The following NEK7 variants were observed in gnomAD, a reference collection of about 807,000 sequenced individuals.
NEK7 encodes serine/threonine-protein kinase Nek7.
A neutral mutation model predicts 44.6 loss-of-function variants in NEK7; 18 were observed. The ratio of observed to expected loss-of-function variants is 0.40; its 90% CI spans 0.28 to 0.60. The LOEUF (loss-of-function observed/expected upper bound fraction) is 0.60, where lower values mean the gene tolerates loss of function less well. Among genes scored for constraint, NEK7 ranks in the 20% least tolerant of loss-of-function variants. The pLI, the probability that NEK7 is intolerant of heterozygous loss-of-function variation, is 0.38. For missense variants in NEK7, 256 were observed against 366.5 expected (o/e 0.70, Z 2.46); for synonymous variants, 130 against 121.1 (o/e 1.07, Z -0.48).
chr1:198,247,669 T>G (rs1296941885), intron 2 of NEK7, among the ~76,000 whole-genome samples: 1 of 152,192 alleles, frequency 6.6e-6, no homozygotes, highest in Non-Finnish European at 1.5e-5. Flanking sequence ...GACAGTATTT[T>G]GGACTTCTAG....
At chr1:198,295,674 C>T (rs909951935) in intron 8 of NEK7, among the ~76,000 whole-genome samples, 12 of 150,578 alleles carry the variant, frequency 8.0e-5, no homozygotes, top group East Asian at 7.8e-4. Context: ...CTATAATGAA[C>T]GCCTAGAATA....
chr1:198,228,025 C>G (rs539748882), intron 1 of NEK7, among the ~76,000 whole-genome samples: 4 of 152,060 alleles, frequency 2.6e-5, no homozygotes, highest in Admixed American at 1.3e-4. Context: ...GTCTTTAATC[C>G]ATCTTGAATT....
chr1:198,278,140 AAG>A lies in NEK7; in HGVS notation c.481+72_481+73del, dbSNP rs1654074762. 11 of 807,718 alleles carry A rather than the reference AAG, an allele frequency of 1.4e-5. 1 individual carries two copies. In the South Asian group the frequency reaches 1.6e-4, roughly 12 times the overall value. The allele number at this position is 807,718 out of a possible 1,614,324, so 50.0% of individuals were successfully genotyped here. A position where few individuals can be genotyped will look rare whatever the true frequency, so the allele number is the denominator to read the frequency against. ...TAAGTTCTTCAAAGTAAATGTCTTCAAGTCAGTACATAATACCATACTTTTTC... is the reference window on the plus strand; with the variant it reads ...TAAGTTCTTCAAAGTAAATGTCTTCATCAGTACATAATACCATACTTTTTC... On this transcript the variant is annotated intron_variant, in intron 6 of 9. Transcript: ENST00000367385.
At position 198,262,575 on chromosome 1, in the gene NEK7, A is replaced by G; in HGVS notation, c.199A>G (p.Ile67Val). The G allele has an allele frequency of 6.3e-7, 1 of 1,579,738 alleles. No homozygotes were observed. The highest frequency in any genetic ancestry group is 8.7e-7 in the Non-Finnish European group (1 of 1,155,144). Residue 67 changes from isoleucine (I) to valine (V), a missense_variant and splice_region_variant, in exon 4 of 10, where the codon ATA (isoleucine) becomes GTA (valine). Transcript: ENST00000367385. Reference sequence around the variant, plus strand: ...AAGTAATTCTGGGTTCTGTTTTTAGATATTTGATTTAATGGATGCCAAAGC... The same window carrying G: ...AAGTAATTCTGGGTTCTGTTTTTAGGTATTTGATTTAATGGATGCCAAAGC... Reference protein sequence around the residue: ...GVPVALKKVQIFDLMDAKARA... With the variant: ...GVPVALKKVQVFDLMDAKARA...
At chr1:198,192,565 G>A (rs116623269) in intron 1 of NEK7, among the ~76,000 whole-genome samples, 3,717 of 152,144 alleles carry the variant, frequency 0.024, 72 homozygotes, top group African/African-American at 0.046. Context: ...AGGGGAAGAT[G>A]TGTAGTACTT....
At chr1:198,317,877 ATT>A (rs34704209) in intron 9 of NEK7, among the ~76,000 whole-genome samples, 3 of 70,268 alleles carry the variant, frequency 4.3e-5, no homozygotes, top group Non-Finnish European at 7.4e-5. Flanking sequence ...GGATATATTT[ATT>A]TTTTTTTTTT....
chr1:198,175,147 A>G (rs775238995), intron 1 of NEK7, among the ~76,000 whole-genome samples: 1 of 152,224 alleles, frequency 6.6e-6, no homozygotes, highest in Admixed American at 6.5e-5. Flanking sequence ...GGAATAATCA[A>G]TGCATAGAAC....
chr1:198,282,522 T>A (rs1230251257), intron 7 of NEK7, among the ~76,000 whole-genome samples: 2 of 152,144 alleles, frequency 1.3e-5, no homozygotes, highest in Non-Finnish European at 2.9e-5. Context: ...TCAAGCCATG[T>A]ATTAACTTTT....
chr1:198,286,303 A>G (rs1419437549), intron 7 of NEK7, among the ~76,000 whole-genome samples: 1 of 152,002 alleles, frequency 6.6e-6, no homozygotes, highest in Non-Finnish European at 1.5e-5. Context: ...ACCTGTATAC[A>G]TTGCCTTATT....
chr1:198,209,037 G>GTA (rs57962708), intron 1 of NEK7, among the ~76,000 whole-genome samples: 6,425 of 145,340 alleles, frequency 0.044, 153 homozygotes, highest in Non-Finnish European at 0.067. Context: ...ATGTGTGTGT[G>GTA]TATATATATA....
chr1:198,248,626 C>T (rs1009035180), intron 2 of NEK7, among the ~76,000 whole-genome samples: 1 of 152,160 alleles, frequency 6.6e-6, no homozygotes, highest in African/African-American at 2.4e-5. Context: ...AACTTCTTGA[C>T]ACTGGACATA....
intron 1 of NEK7, among the ~76,000 whole-genome samples, chr1:198,210,741 CTTTTTTTTTTTT>C (rs140181207): frequency 1.7e-4 from 10 of 57,532 alleles, no homozygotes; most frequent in African/African-American, 4.4e-4. Context: ...ATTTGTATTT[CTTTTTTTTTTTT>C]TTTTTTTTTT....
rs1305462480 is a variant in NEK7, at chr1:198,157,084, C to G, written c.-221C>G. ...CTAGGCTCGCACTCCGGACGCGCCTCGCAGTGCGCAGGGTGGGTGCCCCGC... is the reference window on the plus strand; with the variant it reads ...CTAGGCTCGCACTCCGGACGCGCCTGGCAGTGCGCAGGGTGGGTGCCCCGC... On this transcript the variant is annotated 5_prime_UTR_variant, in exon 1 of 10. Transcript: ENST00000367385. The G allele has an allele frequency of 1.3e-5, 2 of 151,966 alleles. No homozygotes were observed. Among genetic ancestry groups the G allele is most frequent in the African/African-American group, 2.4e-5 (1 of 41,408 alleles). 9.4% of individuals were successfully genotyped at this position (151,966 alleles called of 1,614,324 possible). A position where few individuals can be genotyped will look rare whatever the true frequency, so the allele number is the denominator to read the frequency against.
At chr1:198,299,596 G>T (rs1202961497) in intron 9 of NEK7, among the ~76,000 whole-genome samples, 1 of 152,080 alleles carries the variant, frequency 6.6e-6, no homozygotes, top group East Asian at 1.9e-4. Context: ...AATGATAACA[G>T]AGTGTGTAAC....
intron 1 of NEK7, among the ~76,000 whole-genome samples, chr1:198,170,999 A>G (rs866835094): frequency 6.6e-5 from 10 of 152,146 alleles, no homozygotes; most frequent in Admixed American, 2.6e-4. Flanking sequence ...TCTTGGCCTC[A>G]AGCTGTCCTC....
At chr1:198,317,764 G>A (rs945736389) in intron 9 of NEK7, among the ~76,000 whole-genome samples, 3 of 151,204 alleles carry the variant, frequency 2.0e-5, no homozygotes, top group Non-Finnish European at 2.9e-5. Context: ...TATCTCTAAA[G>A]AAAATATCTG....
chr1:198,291,388 G>C (rs900635905), intron 7 of NEK7, among the ~76,000 whole-genome samples: 1 of 152,158 alleles, frequency 6.6e-6, no homozygotes, highest in Admixed American at 6.5e-5. Context: ...CAAACTACAG[G>C]TGAAAGTAGT....
chr1:198,309,141 T>A (rs1341650086), intron 9 of NEK7, among the ~76,000 whole-genome samples: 1 of 152,046 alleles, frequency 6.6e-6, no homozygotes, highest in East Asian at 1.9e-4. Context: ...GCAAACACAG[T>A]AATGAGGAAG....
intron 1 of NEK7, among the ~76,000 whole-genome samples, chr1:198,201,728 C>A (rs1044126607): frequency 2.0e-5 from 3 of 152,116 alleles, no homozygotes; most frequent in Non-Finnish European, 4.4e-5. Context: ...CTTTCCGGAG[C>A]CTCACCCTGT....
Sources: allele counts gnomAD v4.1 joint callset (sites outside exome capture counted in the v4.1 genomes callset), GRCh38; gene constraint gnomAD v4.1.1; transcripts MANE v1.5; gene names NCBI Gene and HGNC (gene_info 2026-07-23, HGNC 2026-07-21).